The following ABCC8 variants were observed in gnomAD, a reference collection of about 807,000 sequenced individuals.
The protein encoded by ABCC8 is ATP-binding cassette sub-family C member 8.
Under a neutral mutation model 188.0 loss-of-function variants are expected in ABCC8, and 137 were observed. That is an observed-to-expected ratio of 0.73 (90% CI 0.63 to 0.84). The LOEUF (loss-of-function observed/expected upper bound fraction) is 0.84, where lower values mean the gene tolerates loss of function less well. Ranked by LOEUF, ABCC8 falls within the 40% of genes least tolerant of loss-of-function variation. The probability of loss-of-function intolerance (pLI) is 0.00; values close to 1 mark genes in which losing one functional copy is unlikely to be tolerated. For synonymous variants in ABCC8, 797 were observed against 846.5 expected (o/e 0.94, Z 1.01); for missense variants, 1,750 against 2,072.7 (o/e 0.84, Z 3.02).
chr11:17,413,476 T>C lies in ABCC8; in HGVS notation c.2393A>G (p.Tyr798Cys). 6.2e-7 allele frequency: 1 copy of C among 1,613,858 alleles called. No individual in the cohort carries two copies. The highest frequency in any genetic ancestry group is 8.5e-7 in the Non-Finnish European group (1 of 1,180,020). The change falls in exon 20 of 39, where the codon TAC becomes TGC. Residue 798 changes from tyrosine to cysteine, a missense_variant and splice_region_variant. Transcript: ENST00000389817. The part of the protein sequence containing the change: ...IFESPFNKQR[Y>C]KMVIEACSLQ... ...AGAGCAGGCTTCAATGACCATCTTGTACCTGGCGTGGGTAGAGGCAGGGGA... is the reference window on the plus strand; with the variant it reads ...AGAGCAGGCTTCAATGACCATCTTGCACCTGGCGTGGGTAGAGGCAGGGGA...
At chr11:17,435,497 C>A (rs769350711) in intron 10 of ABCC8, among the ~76,000 whole-genome samples, 1 of 152,192 alleles carries the variant, frequency 6.6e-6, no homozygotes, top group African/African-American at 2.4e-5. Context: ...GAAAACTAGA[C>A]CCTTTTCCAC....
chr11:17,408,530 C>T lies in ABCC8; in HGVS notation c.2695-13G>A. The T allele has an allele frequency of 1.2e-6, 2 of 1,606,730 alleles. No homozygotes were observed. Among genetic ancestry groups the T allele is most frequent in the Non-Finnish European group, 1.7e-6 (2 of 1,178,042 alleles). On this transcript the variant is annotated splice_polypyrimidine_tract_variant and intron_variant, in intron 22 of 38. Coordinates refer to ENST00000389817, the MANE Select transcript of ABCC8 (RefSeq NM_000352.6). ...TCATGGCAATGATCTGGAAAGGCAG[C>T]AACAAACGTGGTTTGGGGGCTGGCT...
Position 17,395,865 on chromosome 11 carries a change from C to T in ABCC8, c.4185G>A (p.Val1395=), listed in dbSNP as rs370459854. The T allele has an allele frequency of 2.1e-5, 33 of 1,584,594 alleles. No individual in the cohort carries two copies. The highest frequency in any genetic ancestry group is 2.7e-5 in the Non-Finnish European group (31 of 1,164,386). The change falls in exon 34 of 39, where the codon GTG becomes GTA. Residue 1395 remains valine (V), a synonymous_variant. Coordinates refer to ENST00000389817, the MANE Select transcript of ABCC8 (RefSeq NM_000352.6). The part of the protein sequence containing the change: ...SSFSLAFFRM[V]DTFEGHIIID... ...CTTACAACTCACCTTCGAACGTGTC[C>T]ACCATGCGGAAGAAGGCAAGAGAGA... is the stretch of plus-strand genomic sequence containing the variant.
rs759961510 is a variant in ABCC8 at position 17,404,606 on chromosome 11, C to T, written c.3463G>A (p.Val1155Ile). The T allele has an allele frequency of 1.9e-5, 31 of 1,613,756 alleles. No homozygotes were observed. The highest frequency in any genetic ancestry group is 4.0e-5 in the African/African-American group (3 of 74,882). The change falls in exon 28 of 39, where the codon GTC becomes ATC. Residue 1155 changes from valine (V) to isoleucine (I), a missense_variant. Val to Ile is a conservative substitution (Grantham distance 29). Coordinates refer to ENST00000389817, the MANE Select transcript of ABCC8 (RefSeq NM_000352.6). The surrounding 1 kb of genome is among the most constrained non-coding windows in gnomAD (Gnocchi z 4.7). ...AACACAGGTGTGACATAGGAGATGA[C>T]GGCCAGGGCTGAGACACAGAGCAGG... ...STLLCVSALAVISYVTPVFLV... is the reference protein window; with the variant it reads ...STLLCVSALAIISYVTPVFLV...
In ABCC8 at chr11:17,442,839, CG is replaced by C. The variant is rs1956373066; in HGVS notation, c.1510del (p.Arg504AlafsTer6). The C allele has an allele frequency of 6.2e-7, 1 of 1,613,954 alleles. No homozygotes were observed. Among genetic ancestry groups the C allele is most frequent in the Non-Finnish European group, 8.5e-7 (1 of 1,180,040 alleles). ...GTACAGCTTCAGCAGCTTGATGCCGCGGAGCATCTCGTTGGTCTGCTTCAGC... is the reference window on the plus strand; with the variant it reads ...GTACAGCTTCAGCAGCTTGATGCCGCGAGCATCTCGTTGGTCTGCTTCAGC... The part of the protein sequence containing the change: ...ERLKQTNEML[R>X]GIKLLKLYAW... On this transcript the variant is annotated frameshift_variant, in exon 10 of 39. Transcript: ENST00000389817. LOFTEE classifies it high-confidence loss of function.
At chr11:17,439,869 C>T (rs748881364) in intron 10 of ABCC8, among the ~76,000 whole-genome samples, 48 of 152,196 alleles carry the variant, frequency 3.2e-4, no homozygotes, top group Non-Finnish European at 1.5e-4. Context: ...ATCCCTAGGT[C>T]CTCCTGGCCC....
At chr11:17,407,265 T>G in intron 24 of ABCC8, 89 bp downstream of exon 24, 1 of 1,611,420 alleles carries the variant, frequency 6.2e-7, no homozygotes, top group Non-Finnish European at 8.5e-7. Flanking sequence ...GGCACACTAC[T>G]GCACCACACC....
At chr11:17,412,541 G>T in intron 21 of ABCC8, 125 bp downstream of exon 21, 1 of 1,328,084 alleles carries the variant, frequency 7.5e-7, no homozygotes, top group Non-Finnish European at 1.1e-6. Context: ...AATATCTCTG[G>T]CAGGAGGGAT....
intron 36 of ABCC8, among the ~76,000 whole-genome samples, chr11:17,394,652 G>T (rs1017636710): frequency 6.6e-6 from 1 of 152,182 alleles, no homozygotes; most frequent in Admixed American, 6.5e-5. Context: ...TCTGGGAGGG[G>T]GCGTGTGCAC....
rs1038835743 is a variant in ABCC8 at position 17,448,797 on chromosome 11, T to C, written c.1177-126A>G. The C allele has an allele frequency of 6.7e-6, 10 of 1,495,790 alleles. No homozygotes were observed. The East Asian group carries it at 1.8e-4, about 27-fold the overall frequency. The allele number at this position is 1,495,790 out of a possible 1,614,324, so 92.7% of individuals were successfully genotyped here. On this transcript the variant is annotated intron_variant, in intron 7 of 38. Transcript: ENST00000389817. ...TCCCCATGGTGCCCTAGAGCAGCTC[T>C]GTAAGGTGGTACTGTATCACCGTTC... is the stretch of plus-strand genomic sequence containing the variant.
intron 3 of ABCC8, among the ~76,000 whole-genome samples, chr11:17,465,225 C>T (rs565915446): frequency 2.8e-4 from 43 of 152,360 alleles, no homozygotes; most frequent in African/African-American, 9.6e-4. Flanking sequence ...CTCCACTCCA[C>T]TCTGCCGGAC....
At chr11:17,445,022 A>T (rs1451003192) in intron 8 of ABCC8, among the ~76,000 whole-genome samples, 2 of 152,170 alleles carry the variant, frequency 1.3e-5, no homozygotes, top group African/African-American at 2.4e-5. Context: ...CTTCCTGAGA[A>T]CTCTGTCACT....
At chr11:17,463,681 T>G (rs762856732) in intron 3 of ABCC8, 77 bp from the exon 4 acceptor site, 1 of 1,537,820 alleles carries the variant, frequency 6.5e-7, no homozygotes. Context: ...TGCAAGTATG[T>G]GGCAGAGAAG....
At position 17,397,702 on chromosome 11, in the gene ABCC8, G is replaced by T; in HGVS notation, c.3849C>A (p.Gly1283=). Residue 1283 remains glycine (G), a synonymous_variant, in exon 31 of 39, where the codon GGC becomes GGA. Coordinates refer to ENST00000389817, the MANE Select transcript of ABCC8 (RefSeq NM_000352.6). ...CGCTCACCATTAGGGCGTAGGTAAG[G>T]CCCAGGCCCACCAGGCCAGCAGAGA... is the stretch of plus-strand genomic sequence containing the variant. ...RELSAGLVGL[G]LTYALMVSNY... is the part of the protein sequence containing the mutation. 1 of 1,613,124 alleles carries T rather than the reference G, an allele frequency of 6.2e-7. No individual in the cohort carries two copies. The highest frequency in any genetic ancestry group is 1.7e-5 in the Admixed American group (1 of 60,032).
chr11:17,456,292 A>G (rs890090584), intron 6 of ABCC8, among the ~76,000 whole-genome samples: 6 of 152,210 alleles, frequency 3.9e-5, no homozygotes, highest in Admixed American at 6.5e-5. Flanking sequence ...GCCCCCATGT[A>G]CTTTCTACAG....
Position 17,397,273 on chromosome 11 carries a change from T to G in ABCC8, c.3908A>C (p.Asp1303Ala). 1 of 1,613,344 alleles carries G rather than the reference T, an allele frequency of 6.2e-7. No individual in the cohort carries two copies. Among genetic ancestry groups the G allele is most frequent in the Non-Finnish European group, 8.5e-7 (1 of 1,180,014 alleles). Residue 1303 changes from aspartate to alanine, a missense_variant, in exon 32 of 39, where the codon GAC becomes GCC. Asp to Ala is a moderately radical substitution (Grantham distance 126). Transcript: ENST00000389817. ...CACAGCCCCCAGCTGGAGCTCCATG[T>G]CTGCCAGGTTCCTCACCATCCAGTT... ...YLNWMVRNLA[D>A]MELQLGAVKR...
chr11:17,466,348 G>A (rs1433156162), intron 3 of ABCC8, among the ~76,000 whole-genome samples: 5 of 142,986 alleles, frequency 3.5e-5, no homozygotes, highest in East Asian at 4.2e-4. Context: ...GCGGTGAGCC[G>A]AGATTGCACC....
At chr11:17,443,095 G>A (rs1419877543) in intron 9 of ABCC8, 83 bp downstream of exon 9, 2 of 1,542,742 alleles carry the variant, frequency 1.3e-6, no homozygotes, top group East Asian at 4.5e-5. Flanking sequence ...GTCAATGACA[G>A]TGTGGGTGTG....
chr11:17,404,369 A>G lies in ABCC8; in HGVS notation c.3557+143T>C. ...TAGGGCGGTGGAATAAGATGTGGAT[A>G]TTTCTATTTCCTTCATTTCTGTTTT... On this transcript the variant is annotated intron_variant, in intron 28 of 38. Coordinates refer to ENST00000389817, the MANE Select transcript of ABCC8 (RefSeq NM_000352.6). The surrounding 1 kb of genome is among the most constrained non-coding windows in gnomAD (Gnocchi z 4.7). 79 of 627,902 alleles carry G rather than the reference A, an allele frequency of 1.3e-4. No individual in the cohort carries two copies. Among genetic ancestry groups the G allele is most frequent in the Non-Finnish European group, 2.2e-4 (75 of 333,972 alleles). 38.9% of individuals were successfully genotyped at this position (627,902 alleles called of 1,614,324 possible).
Sources: allele counts gnomAD v4.1 joint callset (sites outside exome capture counted in the v4.1 genomes callset), GRCh38; gene constraint gnomAD v4.1.1; non-coding constraint Gnocchi (gnomAD v3.1); transcripts MANE v1.5; gene names NCBI Gene and HGNC (gene_info 2026-07-23, HGNC 2026-07-21).